The following GMEB1 variants were observed in gnomAD, a reference collection of about 807,000 sequenced individuals.
The protein encoded by GMEB1 is glucocorticoid modulatory element binding protein 1.
GMEB1 carries 6 observed loss-of-function variants against 52.4 expected under a neutral mutation model. That is an observed-to-expected ratio of 0.11 (90% CI 0.06 to 0.23). GMEB1 has a LOEUF of 0.23. Ranked by LOEUF, GMEB1 falls within the 10% of genes least tolerant of loss-of-function variation. The pLI is 1.00. For missense variants in GMEB1, 486 were observed against 685.6 expected (o/e 0.71, Z 3.25); for synonymous variants, 255 against 244.9 (o/e 1.04, Z -0.38).
chr1:28,712,677 G>A (rs1239651070), intron 9 of GMEB1, among the ~76,000 whole-genome samples: 1 of 151,700 alleles, frequency 6.6e-6, no homozygotes, highest in Non-Finnish European at 1.5e-5. Flanking sequence ...ATATTAGCTG[G>A]GTGTGGTGTT....
chr1:28,697,229 A>G lies in GMEB1; in HGVS notation c.598+145A>G, dbSNP rs375892114. The stretch of plus-strand genomic sequence containing the variant: ...TTTTTTTATTTTAATTTTTTTTGAG[A>G]CAGAGTTTTGCTCTTGTTGCCCAGG... On this transcript the variant is annotated intron_variant, in intron 6 of 9. Transcript: ENST00000373816. 8.5e-5 allele frequency: 15 copies of G among 176,272 alleles called. No individual in the cohort carries two copies. The East Asian group carries it at 2.5e-3, about 29-fold the overall frequency. 10.9% of individuals were successfully genotyped at this position (176,272 alleles called of 1,614,324 possible). A position where few individuals can be genotyped will look rare whatever the true frequency, so the allele number is the denominator to read the frequency against.
chr1:28,710,166 T>A (rs1179609986), intron 8 of GMEB1, among the ~76,000 whole-genome samples: 2 of 151,556 alleles, frequency 1.3e-5, no homozygotes, highest in Non-Finnish European at 2.9e-5. Flanking sequence ...GAAAAAAAAA[T>A]TGTTTCAAAT....
In GMEB1 at chr1:28,693,375, G is replaced by A. The variant is rs1469824964; in HGVS notation, c.440+330G>A. Among the ~76,000 whole-genome samples, 3 of 151,270 alleles carry A rather than the reference G, an allele frequency of 2.0e-5. No homozygotes were observed. The Admixed American group carries it at 2.0e-4, about 10-fold the overall frequency. On this transcript the variant is annotated intron_variant, in intron 5 of 9. Coordinates refer to ENST00000373816, the MANE Select transcript of GMEB1 (RefSeq NM_001319674.2). Reference sequence around the variant, plus strand: ...TGGGATTACAGGTGCCCACCACCACGCCCAGCTAATTTTTTGTATTTTCAG... The same window carrying A: ...TGGGATTACAGGTGCCCACCACCACACCCAGCTAATTTTTTGTATTTTCAG...
chr1:28,677,355 G>A (rs532530297), intron 1 of GMEB1, among the ~76,000 whole-genome samples: 39 of 151,888 alleles, frequency 2.6e-4, no homozygotes, highest in African/African-American at 7.5e-4. Flanking sequence ...CCATCACCAC[G>A]TCTGGCTAAT....
intron 7 of GMEB1, among the ~76,000 whole-genome samples, chr1:28,702,973 C>T (rs892390810): frequency 2.6e-5 from 4 of 152,008 alleles, no homozygotes; most frequent in African/African-American, 7.3e-5. Context: ...GCCGAGATCG[C>T]GCCACTGCAC....
At chr1:28,687,485 G>A (rs1349659755) in intron 2 of GMEB1, among the ~76,000 whole-genome samples, 1 of 151,922 alleles carries the variant, frequency 6.6e-6, no homozygotes, top group African/African-American at 2.4e-5. Flanking sequence ...AAATAGTTTG[G>A]CAGTGCCGGG....
At chr1:28,668,712 G>C (rs886072843), upstream of GMEB1, 1 of 153,994 alleles carries the variant, frequency 6.5e-6, no homozygotes, top group African/African-American at 2.4e-5. Context: ...GCTCTCCGGC[G>C]GCGGCGGCCG....
In GMEB1 at chr1:28,697,252, A is replaced by G. The variant is rs1318881204; in HGVS notation, c.598+168A>G. ...AGACAGAGTTTTGCTCTTGTTGCCCAGGTTGGAGTGCAGTAGCGTGATCTC... is the reference window on the plus strand; with the variant it reads ...AGACAGAGTTTTGCTCTTGTTGCCCGGGTTGGAGTGCAGTAGCGTGATCTC... On this transcript the variant is annotated intron_variant, in intron 6 of 9. Transcript: ENST00000373816. Among the ~76,000 whole-genome samples, 9 of 145,232 alleles carry G rather than the reference A, an allele frequency of 6.2e-5. No homozygotes were observed. The South Asian group carries it at 6.5e-4, about 10-fold the overall frequency.
At chr1:28,673,010 C>G (rs1264096959) in intron 1 of GMEB1, among the ~76,000 whole-genome samples, 1 of 152,042 alleles carries the variant, frequency 6.6e-6, no homozygotes, top group African/African-American at 2.4e-5. Context: ...GTTCTCCTGC[C>G]TCAGCTTCCC....
At chr1:28,695,036 C>T (rs1176590632) in intron 5 of GMEB1, among the ~76,000 whole-genome samples, 1 of 147,408 alleles carries the variant, frequency 6.8e-6, no homozygotes, top group Non-Finnish European at 1.5e-5. Flanking sequence ...ATGATCTTGG[C>T]TCACTGCAAT....
At chr1:28,704,077 C>A in intron 7 of GMEB1, 115 bp from the exon 8 acceptor site, 1 of 981,248 alleles carries the variant, frequency 1.0e-6, no homozygotes, top group Non-Finnish European at 1.5e-6. Flanking sequence ...TCAGGAATGG[C>A]CCAATAAGAA....
chr1:28,682,925 C>T (rs898459449), intron 1 of GMEB1, among the ~76,000 whole-genome samples: 3 of 152,128 alleles, frequency 2.0e-5, no homozygotes, highest in Admixed American at 1.3e-4. Flanking sequence ...GGTCTGTTTA[C>T]GCCCAGCATC....
chr1:28,697,467 C>T (rs774472508), intron 6 of GMEB1, among the ~76,000 whole-genome samples: 14 of 152,084 alleles, frequency 9.2e-5, no homozygotes, highest in South Asian at 2.1e-4. Flanking sequence ...CTCGGCCTCC[C>T]GAAGTGCTGG....
At chr1:28,714,013 A>C (rs1340291052) in intron 9 of GMEB1, 60 bp from the exon 10 acceptor site, 2 of 1,246,804 alleles carry the variant, frequency 1.6e-6, no homozygotes, top group Non-Finnish European at 2.3e-6. Flanking sequence ...CCTGACTCTC[A>C]GTTTAATGCT....
In GMEB1 at chr1:28,717,718, G is replaced by C. The variant is rs1306055688; in HGVS notation, c.*2945G>C. On this transcript the variant is annotated 3_prime_UTR_variant, in exon 10 of 10. Transcript: ENST00000373816. ...AAAAACAAAATTGCTGTCTCAGACT[G>C]AATCTACTTGAATCTAGGAAGGCAC... is the stretch of plus-strand genomic sequence containing the variant. The C allele has an allele frequency of 6.6e-6, 1 of 152,148 alleles. No individual in the cohort carries two copies. Among genetic ancestry groups the C allele is most frequent in the African/African-American group, 2.4e-5 (1 of 41,434 alleles). The allele number at this position is 152,148 out of a possible 1,614,324, so 9.4% of individuals were successfully genotyped here. A position where few individuals can be genotyped will look rare whatever the true frequency, so the allele number is the denominator to read the frequency against.
At chr1:28,701,203 G>A (rs550007479) in intron 6 of GMEB1, among the ~76,000 whole-genome samples, 33 of 149,562 alleles carry the variant, frequency 2.2e-4, no homozygotes, top group African/African-American at 7.9e-4. Flanking sequence ...TGTAGAGTCC[G>A]TACTTTCCTA....
intron 9 of GMEB1, among the ~76,000 whole-genome samples, chr1:28,713,871 G>A (rs1194250060): frequency 6.6e-6 from 1 of 152,108 alleles, no homozygotes; most frequent in East Asian, 1.9e-4. Flanking sequence ...GATAGCACCT[G>A]TGAATAGCCA....
chr1:28,707,676 C>T (rs1263713174), intron 8 of GMEB1, among the ~76,000 whole-genome samples: 1 of 151,960 alleles, frequency 6.6e-6, no homozygotes, highest in Non-Finnish European at 1.5e-5. Flanking sequence ...TTAGTTTTAC[C>T]TCTTAAATTG....
In GMEB1 at chr1:28,691,652, A is replaced by G. The variant is rs1016283762; in HGVS notation, c.279A>G (p.Lys93=). The change falls in exon 4 of 10, where the codon AAA becomes AAG. Residue 93 remains lysine (K), a synonymous_variant. Transcript: ENST00000373816. ...IAYPITCGES[K]AILLWKKFVC... ...ACCCCATAACTTGTGGGGAGAGCAA[A>G]GCCATCCTCCTCTGGAAGAAGTTTG... 2 of 1,580,830 alleles carry G rather than the reference A, an allele frequency of 1.3e-6. No individual in the cohort carries two copies. Among genetic ancestry groups the G allele is most frequent in the East Asian group, 4.5e-5 (2 of 44,102 alleles).
Sources: allele counts gnomAD v4.1 joint callset (sites outside exome capture counted in the v4.1 genomes callset), GRCh38; gene constraint gnomAD v4.1.1; transcripts MANE v1.5; gene names NCBI Gene and HGNC (gene_info 2026-07-23, HGNC 2026-07-21).